The following PPP1R1C variants were observed in gnomAD, a reference collection of about 807,000 sequenced individuals.
PPP1R1C encodes protein phosphatase 1 regulatory subunit 1C.
PPP1R1C carries 15 observed loss-of-function variants against 17.4 expected under a neutral mutation model. The ratio of observed to expected loss-of-function variants is 0.86; its 90% CI spans 0.58 to 1.33. The LOEUF is 1.33. Ranked by LOEUF, PPP1R1C falls within the 40% of genes most tolerant of loss-of-function variation. The probability of loss-of-function intolerance (pLI) is 0.00; values close to 1 mark genes in which losing one functional copy is unlikely to be tolerated. For missense variants in PPP1R1C, 143 were observed against 130.0 expected (o/e 1.10, Z -0.48); for synonymous variants, 35 against 43.1 (o/e 0.81, Z 0.73).
chr2:182,020,514 C>T (rs1245362641), intron 2 of PPP1R1C, among the ~76,000 whole-genome samples: 1 of 152,174 alleles, frequency 6.6e-6, no homozygotes, highest in Non-Finnish European at 1.5e-5. Flanking sequence ...CTAGAGGCCC[C>T]TCACATTTTG....
chr2:182,059,864 C>G (rs1687798722), intron 2 of PPP1R1C, among the ~76,000 whole-genome samples: 1 of 151,818 alleles, frequency 6.6e-6, no homozygotes, highest in Admixed American at 6.6e-5. Flanking sequence ...TGATCAGATC[C>G]CATTGTGTTT....
intron 4 of PPP1R1C, among the ~76,000 whole-genome samples, chr2:182,092,477 C>G (rs557313121): frequency 1.3e-5 from 2 of 152,306 alleles, no homozygotes; most frequent in South Asian, 2.1e-4. Context: ...CAAAGCCCAT[C>G]ATGCCTTCCC....
chr2:181,980,934 T>G (rs910134593), upstream of PPP1R1C, among the ~76,000 whole-genome samples: 41 of 150,914 alleles, frequency 2.7e-4, no homozygotes, highest in Middle Eastern at 3.4e-3. Context: ...GAAGTTTTTT[T>G]TTTTTTTTTT....
chr2:182,015,210 A>C (rs1168419522), intron 2 of PPP1R1C, among the ~76,000 whole-genome samples: 1 of 152,010 alleles, frequency 6.6e-6, no homozygotes, highest in Non-Finnish European at 1.5e-5. Flanking sequence ...ACCTGGTGGG[A>C]GATAATTGAA....
chr2:182,046,512 G>A (rs1687351492), intron 2 of PPP1R1C, among the ~76,000 whole-genome samples: 1 of 151,550 alleles, frequency 6.6e-6, no homozygotes, highest in African/African-American at 2.4e-5. Context: ...CAGATCACAA[G>A]GTCAAGAGAT....
chr2:181,958,099 C>A (rs1306973366), intron 1 of PPP1R1C, among the ~76,000 whole-genome samples: 1 of 152,136 alleles, frequency 6.6e-6, no homozygotes, highest in African/African-American at 2.4e-5. Context: ...GATATAAGAA[C>A]ATTTGAGCAG....
At chr2:181,971,062 C>A (rs1559041268) in intron 1 of PPP1R1C, among the ~76,000 whole-genome samples, 1 of 152,142 alleles carries the variant, frequency 6.6e-6, no homozygotes, top group Non-Finnish European at 1.5e-5. Context: ...TAGTGCTCTA[C>A]CCCATTGTGA....
At chr2:182,131,159 T>G (rs1574474430), downstream of PPP1R1C, 1 of 152,194 alleles carries the variant, frequency 6.6e-6, no homozygotes, top group East Asian at 1.9e-4. Flanking sequence ...CTTGTTTTCT[T>G]TCATTGTGCA....
In PPP1R1C at chr2:182,016,661, A is replaced by T. The variant is rs541974280; in HGVS notation, c.142+28762A>T. 1.1e-4 allele frequency among the ~76,000 whole-genome samples: 17 copies of T among 152,308 alleles called. 1 individual carries two copies. The East Asian group carries it at 3.3e-3, about 29-fold the overall frequency. On this transcript the variant is annotated intron_variant, in intron 2 of 4. Transcript: ENST00000682840. ...GGTATTTTTATACAAGTAGTTATGC[A>T]TATATTTGAAAGAGAAACTGATTTC...
chr2:182,056,137 C>T (rs565306780), intron 2 of PPP1R1C, among the ~76,000 whole-genome samples: 10 of 152,294 alleles, frequency 6.6e-5, no homozygotes, highest in East Asian at 1.9e-4. Flanking sequence ...CACTTTCTCC[C>T]GTCTCGCTAG....
At chr2:182,056,237 G>A (rs1400942273) in intron 2 of PPP1R1C, among the ~76,000 whole-genome samples, 7 of 152,216 alleles carry the variant, frequency 4.6e-5, no homozygotes, top group African/African-American at 1.2e-4. Context: ...TTCACACGAA[G>A]TCAGTTCTGC....
At chr2:182,030,395 T>C (rs1414727819) in intron 2 of PPP1R1C, among the ~76,000 whole-genome samples, 1 of 151,832 alleles carries the variant, frequency 6.6e-6, no homozygotes, top group African/African-American at 2.4e-5. Context: ...GTTTTTGGTG[T>C]GGATGTCCTT....
At chr2:182,033,878 A>G (rs989032347) in intron 2 of PPP1R1C, among the ~76,000 whole-genome samples, 2 of 152,204 alleles carry the variant, frequency 1.3e-5, no homozygotes. Context: ...GCTTCTAGGT[A>G]CCAGGACGCA....
At chr2:182,043,996 A>G (rs760170020) in intron 2 of PPP1R1C, among the ~76,000 whole-genome samples, 3 of 152,170 alleles carry the variant, frequency 2.0e-5, no homozygotes, top group Non-Finnish European at 4.4e-5. Flanking sequence ...AACTGCATGT[A>G]ATGTTTGACT....
Position 182,061,431 on chromosome 2 carries a change from T to A in PPP1R1C, c.143-11T>A. 2 of 1,455,944 alleles carry A rather than the reference T, an allele frequency of 1.4e-6. No homozygotes were observed. Among genetic ancestry groups the A allele is most frequent in the Non-Finnish European group, 1.8e-6 (2 of 1,093,444 alleles). The allele number at this position is 1,455,944 out of a possible 1,614,324, so 90.2% of individuals were successfully genotyped here. A position where few individuals can be genotyped will look rare whatever the true frequency, so the allele number is the denominator to read the frequency against. ...TACATGCCTAATACATTCTACCTACTTCTCTTACAGAAATAGATGACAAGA... is the reference window on the plus strand; with the variant it reads ...TACATGCCTAATACATTCTACCTACATCTCTTACAGAAATAGATGACAAGA... On this transcript the variant is annotated splice_polypyrimidine_tract_variant and intron_variant, in intron 2 of 4. Transcript: ENST00000682840.
intron 1 of PPP1R1C, among the ~76,000 whole-genome samples, chr2:181,966,497 A>AGT (rs932414397): frequency 2.0e-5 from 3 of 151,520 alleles, no homozygotes; most frequent in African/African-American, 7.3e-5. Flanking sequence ...CAGTTTTTTT[A>AGT]GTATTTTTTT....
intron 2 of PPP1R1C, among the ~76,000 whole-genome samples, chr2:182,041,483 C>A (rs1687180542): frequency 6.6e-6 from 1 of 151,840 alleles, no homozygotes; most frequent in Admixed American, 6.6e-5. Flanking sequence ...GCGGCAGCTG[C>A]CTGTACTCCC....
At chr2:182,049,802 A>G (rs1390677762) in intron 2 of PPP1R1C, among the ~76,000 whole-genome samples, 3 of 152,120 alleles carry the variant, frequency 2.0e-5, no homozygotes, top group Non-Finnish European at 4.4e-5. Context: ...TTTTAAATTT[A>G]CGTTCTGTTT....
intron 5 of PPP1R1C, among the ~76,000 whole-genome samples, chr2:182,124,997 A>G (rs1689840325): frequency 6.6e-6 from 1 of 152,034 alleles, no homozygotes; most frequent in Non-Finnish European, 1.5e-5. Flanking sequence ...AGGGAATGGT[A>G]GAATTTTGCC....
Sources: gnomAD v4.1 joint callset for allele counts (sites outside exome capture counted in the v4.1 genomes callset) on GRCh38, gnomAD v4.1.1 for gene constraint, MANE v1.5 for transcripts, NCBI Gene and HGNC (gene_info 2026-07-23, HGNC 2026-07-21) for gene names.